Variants in STARD9 observed in about 807,000 individuals in gnomAD.
STARD9 encodes the protein StAR related lipid transfer domain containing 9.
In STARD9, 346 loss-of-function variants were observed where a neutral mutation model predicts 399.8. The observed-to-expected ratio is 0.87, with a 90% CI of 0.79 to 0.95. The LOEUF (loss-of-function observed/expected upper bound fraction) is 0.95. Among genes scored for constraint, STARD9 ranks in the 40% least tolerant of loss-of-function variants. The pLI is 0.00. For missense variants in STARD9, 5,832 were observed against 5,667.5 expected, an observed-to-expected ratio of 1.03 and a Z score of -0.93; for synonymous variants, 2,203 against 2,143.5, an observed-to-expected ratio of 1.03 and a Z score of -0.77.
intron 1 of STARD9, among the ~76,000 whole-genome samples, chr15:42,579,944 C>T (rs1404361313): frequency 6.6e-6 from 1 of 152,152 alleles, no homozygotes; most frequent in Non-Finnish European, 1.5e-5. Context: ...GCCTCTATTA[C>T]TTGGTGTGGA....
chr15:42,670,533 C>G (rs754017138), intron 16 of STARD9: 13 of 152,184 alleles, frequency 8.5e-5, no homozygotes, highest in African/African-American at 2.9e-4. Flanking sequence ...TGCTCAAAAT[C>G]CCTGTGCTCA....
intron 3 of STARD9, among the ~76,000 whole-genome samples, chr15:42,610,524 A>G (rs1450272062): frequency 6.6e-6 from 1 of 152,124 alleles, no homozygotes; most frequent in Non-Finnish European, 1.5e-5. Flanking sequence ...TTGCTGCAAT[A>G]GCCAAACTTA....
At chr15:42,697,577 G>A (rs1421628820) in intron 26 of STARD9, among the ~76,000 whole-genome samples, 1 of 152,134 alleles carries the variant, frequency 6.6e-6, no homozygotes, top group African/African-American at 2.4e-5. Flanking sequence ...AGTCTAAAAC[G>A]TTTTGAGCAC....
chr15:42,576,830 A>G (rs2241998), intron 1 of STARD9, among the ~76,000 whole-genome samples: 86,646 of 152,096 alleles, frequency 0.57, 29,774 homozygotes, highest in East Asian at 0.76. Context: ...CAGACTAATG[A>G]GAAGAGCAAT....
chr15:42,639,981 G>C (rs2141942694), intron 7 of STARD9, among the ~76,000 whole-genome samples: 1 of 152,226 alleles, frequency 6.6e-6, no homozygotes, highest in East Asian at 1.9e-4. Context: ...GGAATGCAGT[G>C]ATGCAAACAT....
At chr15:42,695,619 T>C (rs2060826162) in intron 25 of STARD9, 124 bp from the exon 26 acceptor site, 3 of 1,156,266 alleles carry the variant, frequency 2.6e-6, no homozygotes, top group Non-Finnish European at 3.6e-6. Flanking sequence ...AGGGAGGCCC[T>C]GGGAGGTGGG....
rs2140262535 is a variant in STARD9 at position 42,689,128 on chromosome 15, T to C, written c.7550T>C (p.Leu2517Pro). 1 of 1,537,280 alleles carries C rather than the reference T, an allele frequency of 6.5e-7. No homozygotes were observed. Residue 2517 changes from leucine (L) to proline (P), a missense_variant, in exon 23 of 33, where the codon CTG becomes CCG. Transcript: ENST00000290607. ...GAGAAGGAGACTGAGGACGTCGGAC[T>C]GACCAGCGGTGTTTCCTTAGCACCT... ...KAEKETEDVG[L>P]TSGVSLAPVS...
intron 8 of STARD9, among the ~76,000 whole-genome samples, chr15:42,651,646 C>G (rs1242593094): frequency 1.3e-5 from 2 of 150,766 alleles, no homozygotes; most frequent in East Asian, 3.9e-4. Context: ...CTTTTTTTTT[C>G]TGGGGTAAAA....
In STARD9 at chr15:42,692,071, A is replaced by T; in HGVS notation, c.10493A>T (p.Gln3498Leu). The change falls in exon 23 of 33, where the codon CAG becomes CTG. Residue 3498 changes from glutamine to leucine, a missense_variant. Coordinates refer to ENST00000290607, the MANE Select transcript of STARD9 (RefSeq NM_020759.3). ...SGSAVDVSCSQKPQGLTLSNV... is the reference protein window; with the variant it reads ...SGSAVDVSCSLKPQGLTLSNV... ...AGTGCAGTCGATGTTTCCTGCAGCC[A>T]GAAGCCCCAGGGGCTGACACTATCA... 6.5e-7 allele frequency: 1 copy of T among 1,537,280 alleles called. No homozygotes were observed. The highest frequency in any genetic ancestry group is 8.7e-7 in the Non-Finnish European group (1 of 1,146,914).
intron 3 of STARD9, among the ~76,000 whole-genome samples, chr15:42,596,479 A>G (rs916820136): frequency 1.4e-4 from 21 of 152,232 alleles, no homozygotes; most frequent in Non-Finnish European, 2.9e-5. Flanking sequence ...ACGAGAGGAT[A>G]TAAAATGAAC....
intron 26 of STARD9, among the ~76,000 whole-genome samples, chr15:42,698,073 T>A (rs985404694): frequency 3.9e-5 from 6 of 152,238 alleles, no homozygotes; most frequent in Admixed American, 3.9e-4. Context: ...TATTTGAATA[T>A]GCAGAGAACT....
rs755727176 is a variant in STARD9 at position 42,621,327 on chromosome 15, A to G, written c.235-13529A>G. On this transcript the variant is annotated intron_variant, in intron 3 of 32. Transcript: ENST00000290607. ...TCTGTGATCCATGGTTATATTATAT[A>G]TTATATCTTTGATTCATGGTTTCTC... 8.5e-5 allele frequency among the ~76,000 whole-genome samples: 13 copies of G among 152,284 alleles called. No individual in the cohort carries two copies. In the East Asian group the frequency reaches 2.5e-3, roughly 29 times the overall value.
At chr15:42,719,152 C>T (rs1350534018) in intron 32 of STARD9, among the ~76,000 whole-genome samples, 1 of 152,184 alleles carries the variant, frequency 6.6e-6, no homozygotes, top group Non-Finnish European at 1.5e-5. Flanking sequence ...AACCTAGTGA[C>T]CTGCATCCTG....
rs1225684904 is a variant in STARD9, at chr15:42,688,764, G to C, written c.7186G>C (p.Val2396Leu). 2 of 1,537,578 alleles carry C rather than the reference G, an allele frequency of 1.3e-6. No homozygotes were observed. The highest frequency in any genetic ancestry group is 2.7e-5 in the African/African-American group (2 of 73,054). The change falls in exon 23 of 33, where the codon GTT becomes CTT. Residue 2396 changes from valine to leucine, a missense_variant. Coordinates refer to ENST00000290607, the MANE Select transcript of STARD9 (RefSeq NM_020759.3). ...CAGAAGCCACAGCCCCGAAGGAAAT[G>C]TTAGAGGGCGTTCCTCTGAGGCACA... ...ETRSHSPEGN[V>L]RGRSSEAHTA...
chr15:42,587,173 T>C (rs1214226113), intron 3 of STARD9, among the ~76,000 whole-genome samples: 1 of 152,170 alleles, frequency 6.6e-6, no homozygotes, highest in Non-Finnish European at 1.5e-5. Flanking sequence ...TTTTAATAAT[T>C]ATGTCAAAGG....
intron 15 of STARD9, among the ~76,000 whole-genome samples, chr15:42,666,669 A>G (rs983517082): frequency 2.0e-5 from 3 of 152,112 alleles, no homozygotes; most frequent in Non-Finnish European, 4.4e-5. Flanking sequence ...AATTAATATG[A>G]TAGTTGTATG....
At position 42,694,240 on chromosome 15, in the gene STARD9, T is replaced by C; in HGVS notation, c.12662T>C (p.Phe4221Ser). ...ELTEAKLHHG[F>S]GEADALLQVL... ...ACAGAAGCGAAACTGCACCATGGCT[T>C]TGGGGAGGCCGATGCCCTGCTCCAG... is the stretch of plus-strand genomic sequence containing the variant. The change falls in exon 23 of 33, where the codon TTT (phenylalanine) becomes TCT (serine). Residue 4221 changes from phenylalanine (F) to serine (S), a missense_variant. Physicochemically the swap from Phe to Ser is radical, Grantham distance 155. Around this residue, in one of 2 missense-constraint regions of STARD9, gnomAD observed 5,828 missense variants for 5,651.1 expected, o/e 1.03. Coordinates refer to ENST00000290607, the MANE Select transcript of STARD9 (RefSeq NM_020759.3). 1 of 1,533,714 alleles carries C rather than the reference T, an allele frequency of 6.5e-7. No individual in the cohort carries two copies.
At chr15:42,695,679 A>G (rs2060828850) in intron 25 of STARD9, 64 bp from the exon 26 acceptor site, 2 of 1,493,972 alleles carry the variant, frequency 1.3e-6, no homozygotes, top group East Asian at 4.9e-5. Flanking sequence ...GGGTAGGAAA[A>G]GGCGTGGCCT....
chr15:42,665,985 A>T, intron 15 of STARD9, 137 bp downstream of exon 15: 1 of 739,824 alleles, frequency 1.4e-6, no homozygotes, highest in Non-Finnish European at 2.3e-6. Context: ...GTTTCCTTTA[A>T]GCCTTGACCG....
Sources: gnomAD v4.1 joint callset for allele counts (sites outside exome capture counted in the v4.1 genomes callset) on GRCh38, gnomAD v4.1.1 for gene constraint, gnomAD v4.1.1 regional missense constraint, MANE v1.5 for transcripts, NCBI Gene and HGNC (gene_info 2026-07-23, HGNC 2026-07-21) for gene names.